The following GRIA3 variants were observed in gnomAD, a reference collection of about 807,000 sequenced individuals.
GRIA3 encodes glutamate ionotropic receptor AMPA type subunit 3.
A neutral mutation model predicts 63.0 loss-of-function variants in GRIA3; 3 were observed. The observed-to-expected ratio is 0.05, with a 90% confidence interval of 0.02 to 0.12. The LOEUF is 0.12. Among genes scored for constraint, GRIA3 ranks in the 10% least tolerant of loss-of-function variants. The pLI, the probability that GRIA3 is intolerant of heterozygous loss-of-function variation, is 1.00. For missense variants in GRIA3, 347 were observed against 700.9 expected, an observed-to-expected ratio of 0.50 and a Z score of 5.70; for synonymous variants, 274 against 257.9, an observed-to-expected ratio of 1.06 and a Z score of -0.60.
intron 12 of GRIA3, among the ~76,000 whole-genome samples, chrX:123,440,856 C>A (rs995576490): frequency 7.1e-5 from 8 of 112,237 alleles, no homozygotes; most frequent in East Asian, 5.5e-4. Flanking sequence ...GTCACAAAAT[C>A]TTTGCCTGTT....
At chrX:123,206,873 T>A in intron 2 of GRIA3, among the ~76,000 whole-genome samples, 1 of 112,157 alleles carries the variant, frequency 8.9e-6, no homozygotes, top group East Asian at 2.8e-4. Context: ...CAAGTGCAGC[T>A]CTAAGTTAGG....
Position 123,418,063 on chromosome X carries a change from A to G in GRIA3, c.1877+285A>G, listed in dbSNP as rs2079290559. 2.1e-5 allele frequency: 6 copies of G among 287,729 alleles called. No individual in the cohort carries two copies. In the South Asian group the frequency reaches 4.4e-4, roughly 21 times the overall value. 23.7% of individuals were successfully genotyped at this position (287,729 alleles called of 1,213,427 possible). A position where few individuals can be genotyped will look rare whatever the true frequency, so the allele number is the denominator to read the frequency against. ...ATTGCCACTAATATTAATATTATTC[A>G]GATAAAGTAAATACTAAATCTTCAT... On this transcript the variant is annotated intron_variant, in intron 11 of 15. Transcript: ENST00000620443.
chrX:123,484,732 G>A (rs950284524), intron 15 of GRIA3, among the ~76,000 whole-genome samples: 1 of 111,974 alleles, frequency 8.9e-6, no homozygotes, highest in Non-Finnish European at 1.9e-5. Context: ...ATCCGCCTGC[G>A]TCAGCCTCCC....
chrX:123,443,111 T>C (rs1412503851), intron 12 of GRIA3, among the ~76,000 whole-genome samples: 1 of 111,728 alleles, frequency 9.0e-6, no homozygotes, highest in East Asian at 2.8e-4. Flanking sequence ...CACTGTCGCA[T>C]TGATGCTTTG....
intron 11 of GRIA3, among the ~76,000 whole-genome samples, chrX:123,427,367 T>C (rs1021259749): frequency 9.0e-5 from 10 of 110,976 alleles, no homozygotes; most frequent in African/African-American, 3.3e-4. Context: ...AGTTCTGATT[T>C]AATTGGTGGG....
chrX:123,278,806 C>A (rs1194938890), intron 3 of GRIA3, among the ~76,000 whole-genome samples: 2 of 111,905 alleles, frequency 1.8e-5, no homozygotes, highest in African/African-American at 6.5e-5. Flanking sequence ...ATGCCAGTTT[C>A]ATGCTATTTT....
chrX:123,349,873 G>A (rs2045081983), intron 4 of GRIA3, among the ~76,000 whole-genome samples: 1 of 112,151 alleles, frequency 8.9e-6, no homozygotes, highest in African/African-American at 3.2e-5. Flanking sequence ...TATTCATGAA[G>A]ATGAATGCCT....
At chrX:123,395,800 T>C (rs909595447) in intron 6 of GRIA3, among the ~76,000 whole-genome samples, 13 of 111,568 alleles carry the variant, frequency 1.2e-4, no homozygotes, top group Non-Finnish European at 2.4e-4. Context: ...GGGAAAGTTA[T>C]TCATGCTACA....
At chrX:123,388,066 T>C (rs2045363592) in intron 5 of GRIA3, among the ~76,000 whole-genome samples, 1 of 112,103 alleles carries the variant, frequency 8.9e-6, no homozygotes, top group African/African-American at 3.2e-5. Flanking sequence ...CCTAGACTTT[T>C]ATTTGTTGAA....
chrX:123,337,852 C>T (rs1490330157), intron 4 of GRIA3, among the ~76,000 whole-genome samples: 1 of 112,015 alleles, frequency 8.9e-6, no homozygotes, highest in African/African-American at 3.2e-5. Flanking sequence ...ACAAATTGTT[C>T]CTCCTGCTTC....
At chrX:123,278,102 G>A (rs2044565751) in intron 3 of GRIA3, among the ~76,000 whole-genome samples, 3 of 112,124 alleles carry the variant, frequency 2.7e-5, no homozygotes, top group African/African-American at 3.2e-5. Context: ...AGATAGCCCA[G>A]ATTTCCAGGT....
Position 123,427,950 on chromosome X carries a change from C to G in GRIA3, c.1887C>G (p.Ser629=), listed in dbSNP as rs781262510. The change falls in exon 12 of 16, where the codon TCC becomes TCG. Residue 629 remains serine, a synonymous_variant. Coordinates refer to ENST00000620443, the MANE Select transcript of GRIA3 (RefSeq NM_007325.5). ...TTGTTTTGTTTTATAGATCACTCTC[C>G]GGGCGCATTGTTGGAGGGGTTTGGT... The part of the protein sequence containing the change: ...QGCDISPRSL[S]GRIVGGVWWF... The G allele has an allele frequency of 2.5e-6, 3 of 1,196,899 alleles. No individual in the cohort carries two copies. Among genetic ancestry groups the G allele is most frequent in the Admixed American group, 2.2e-5 (1 of 45,871 alleles).
At chrX:123,433,375 T>A (rs181291990) in intron 12 of GRIA3, among the ~76,000 whole-genome samples, 2 of 112,197 alleles carry the variant, frequency 1.8e-5, no homozygotes, top group African/African-American at 6.5e-5. Context: ...ATTATCTCTA[T>A]CATATCTCTT....
At chrX:123,370,702 G>T (rs1464791620) in intron 5 of GRIA3, among the ~76,000 whole-genome samples, 15 of 109,249 alleles carry the variant, frequency 1.4e-4, no homozygotes, top group African/African-American at 5.0e-4. Flanking sequence ...TATTTTAAAG[G>T]GTTTTTTATT....
chrX:123,286,331 C>A (rs1344583106), intron 3 of GRIA3, among the ~76,000 whole-genome samples: 1 of 109,885 alleles, frequency 9.1e-6, no homozygotes, highest in African/African-American at 3.3e-5. Context: ...GATCTAAATT[C>A]GACACCCTAA....
chrX:123,366,758 C>T (rs965456436), intron 5 of GRIA3, among the ~76,000 whole-genome samples: 3 of 111,629 alleles, frequency 2.7e-5, no homozygotes, highest in Non-Finnish European at 3.8e-5. Context: ...CTTTTTACAA[C>T]GCACATGGAA....
At chrX:123,449,929 T>C (rs951127320) in intron 12 of GRIA3, among the ~76,000 whole-genome samples, 1 of 111,662 alleles carries the variant, frequency 9.0e-6, no homozygotes, top group African/African-American at 3.3e-5. Flanking sequence ...CCAAGACCTA[T>C]CTTGATTCTT....
rs770013591 is a variant in GRIA3, at chrX:123,364,967, A to G, written c.750+10004A>G. ...GGTGGTTACCAGAGGCTAGGGGGTG[A>G]GGAGAGAGGGAATGAGGAGTTGTTA... On this transcript the variant is annotated intron_variant, in intron 5 of 15. Coordinates refer to ENST00000620443, the MANE Select transcript of GRIA3 (RefSeq NM_007325.5). 6.2e-5 allele frequency among the ~76,000 whole-genome samples: 7 copies of G among 112,239 alleles called. No homozygotes were observed. In the South Asian group the frequency reaches 2.6e-3, roughly 42 times the overall value.
At chrX:123,274,475 T>C (rs2044542284) in intron 3 of GRIA3, among the ~76,000 whole-genome samples, 1 of 112,252 alleles carries the variant, frequency 8.9e-6, no homozygotes, top group African/African-American at 3.2e-5. Flanking sequence ...CACTTGTCCA[T>C]GACATAAAAG....
Sources: allele counts gnomAD v4.1 joint callset (sites outside exome capture counted in the v4.1 genomes callset), GRCh38; gene constraint gnomAD v4.1.1; transcripts MANE v1.5; gene names NCBI Gene and HGNC (gene_info 2026-07-23, HGNC 2026-07-21).